LPP: variants seen among roughly 807,000 people sequenced by gnomAD.
LPP encodes the protein LIM domain containing preferred translocation partner in lipoma.
In LPP, 38 loss-of-function variants were observed where a neutral mutation model predicts 60.4. The ratio of observed to expected loss-of-function variants is 0.63; its 90% CI spans 0.49 to 0.83. LPP has a LOEUF of 0.83. LPP is among the 40% of genes least tolerant of loss of function. The pLI is 0.00. For synonymous variants in LPP, 328 were observed against 290.8 expected (o/e 1.13, Z -1.30); for missense variants, 902 against 783.6 (o/e 1.15, Z -1.80).
chr3:188,668,268 A>G (rs545716978), intron 7 of LPP, among the ~76,000 whole-genome samples: 126 of 152,096 alleles, frequency 8.3e-4, no homozygotes, highest in African/African-American at 2.9e-3. Context: ...TTTTTTCTTG[A>G]CTCTGAAGAT....
chr3:188,160,671 G>GA (rs1404545902), intron 1 of LPP, among the ~76,000 whole-genome samples: 5 of 152,170 alleles, frequency 3.3e-5, no homozygotes, highest in African/African-American at 1.2e-4. Context: ...TCTGTGATCA[G>GA]ATACAACTCA....
intron 9 of LPP, among the ~76,000 whole-genome samples, chr3:188,789,037 A>C (rs1432072926): frequency 2.0e-5 from 3 of 150,914 alleles, no homozygotes; most frequent in African/African-American, 7.3e-5. Flanking sequence ...GTGGCCACTA[A>C]CCTCAGTTAT....
chr3:188,281,194 T>C (rs763114252), intron 2 of LPP, among the ~76,000 whole-genome samples: 6 of 152,110 alleles, frequency 3.9e-5, no homozygotes, highest in Non-Finnish European at 5.9e-5. Context: ...AGGAAGACAT[T>C]TGAATTTAGT....
intron 9 of LPP, among the ~76,000 whole-genome samples, chr3:188,822,195 A>G (rs1011270397): frequency 6.6e-6 from 1 of 152,140 alleles, no homozygotes; most frequent in African/African-American, 2.4e-5. Context: ...CAGGAAGAAC[A>G]GGGAGGTCAT....
At chr3:188,562,082 C>G (rs895249172) in intron 6 of LPP, among the ~76,000 whole-genome samples, 2 of 140,512 alleles carry the variant, frequency 1.4e-5, no homozygotes, top group African/African-American at 5.1e-5. Flanking sequence ...CAGACACACA[C>G]ACACATACAA....
chr3:188,484,642 C>T lies in LPP; in HGVS notation c.244C>T (p.Pro82Ser). The T allele has an allele frequency of 6.2e-7, 1 of 1,614,054 alleles. No individual in the cohort carries two copies. Among genetic ancestry groups the T allele is most frequent in the Non-Finnish European group, 8.5e-7 (1 of 1,179,980 alleles). The change falls in exon 5 of 12, where the codon CCA (proline) becomes TCA (serine). Residue 82 changes from proline (P) to serine (S), a missense_variant. Coordinates refer to ENST00000617246, the MANE Select transcript of LPP (RefSeq NM_001375462.1). ...ACCTCTAGATGATTCCAGTGCCCTTCCATCTATCTCTGGAAACTTTCCTCC... is the reference window on the plus strand; with the variant it reads ...ACCTCTAGATGATTCCAGTGCCCTTTCATCTATCTCTGGAAACTTTCCTCC... ...PPPLDDSSAL[P>S]SISGNFPPPP...
At chr3:188,871,583 T>C (rs1444817064) in intron 10 of LPP, among the ~76,000 whole-genome samples, 2 of 152,234 alleles carry the variant, frequency 1.3e-5, no homozygotes, top group Non-Finnish European at 2.9e-5. Flanking sequence ...ATTATTTCTT[T>C]TTAAGTCTCA....
At chr3:188,752,527 G>T (rs976685416) in intron 8 of LPP, among the ~76,000 whole-genome samples, 1 of 152,106 alleles carries the variant, frequency 6.6e-6, no homozygotes, top group Non-Finnish European at 1.5e-5. Flanking sequence ...TGTTTGTTGT[G>T]GTGGTGGTGA....
intron 3 of LPP, among the ~76,000 whole-genome samples, chr3:188,349,688 G>A (rs1255851967): frequency 2.6e-5 from 4 of 152,170 alleles, no homozygotes; most frequent in South Asian, 2.1e-4. Flanking sequence ...CAGTGGGCCT[G>A]CCCCATGGAT....
At chr3:188,460,859 A>G (rs1238607736) in intron 4 of LPP, among the ~76,000 whole-genome samples, 1 of 152,174 alleles carries the variant, frequency 6.6e-6, no homozygotes, top group Non-Finnish European at 1.5e-5. Context: ...TCCCCCAGCC[A>G]GACCTCAGCT....
chr3:188,866,221 G>C lies in LPP; in HGVS notation c.1432G>C (p.Val478Leu). 2.6e-6 allele frequency: 4 copies of C among 1,561,980 alleles called. No individual in the cohort carries two copies. Among genetic ancestry groups the C allele is most frequent in the Non-Finnish European group, 3.5e-6 (4 of 1,152,408 alleles). ...CCAGAATACTCTGGAGCAGTGCAAT[G>C]TGTGTTCCAAGCCCATCATGGAGCG... ...CYINTLEQCN[V>L]CSKPIMERIL... The change falls in exon 10 of 12, where the codon GTG becomes CTG. Residue 478 changes from valine (V) to leucine (L), a missense_variant. Transcript: ENST00000617246.
At chr3:188,395,683 T>G (rs1425551464) in intron 3 of LPP, among the ~76,000 whole-genome samples, 1 of 152,160 alleles carries the variant, frequency 6.6e-6, no homozygotes, top group Non-Finnish European at 1.5e-5. Flanking sequence ...CTCAGCAGTT[T>G]GGGAGGCCAG....
chr3:188,337,630 T>G (rs1762012919), intron 2 of LPP, among the ~76,000 whole-genome samples: 1 of 152,158 alleles, frequency 6.6e-6, no homozygotes, highest in African/African-American at 2.4e-5. Flanking sequence ...ACTGCCTTAG[T>G]TATTATTTTT....
At position 188,609,744 on chromosome 3, in the gene LPP, G is replaced by A. The variant is rs144680354; in HGVS notation, c.1013G>A (p.Gly338Glu). The change falls in exon 7 of 12, where the codon GGG (glycine) becomes GAG (glutamate). Residue 338 changes from glycine (G) to glutamate (E), a missense_variant. By Grantham distance (98) the Gly-to-Glu change is moderately conservative. Transcript: ENST00000617246. This position sits in a 1 kb window ranked among gnomAD's most constrained non-coding sequence, Gnocchi z 6.9. ...REPGYTPPGA[G>E]NQNPPGMYPV... is the part of the protein sequence containing the mutation. ...CCAGGGTACACTCCTCCTGGAGCAG[G>A]GAACCAGAACCCTCCTGGGATGTAT... 19 of 1,614,086 alleles carry A rather than the reference G, an allele frequency of 1.2e-5. No homozygotes were observed. The highest frequency in any genetic ancestry group is 2.7e-5 in the African/African-American group (2 of 75,016).
chr3:188,366,454 G>A (rs774068742), intron 3 of LPP, among the ~76,000 whole-genome samples: 9 of 152,086 alleles, frequency 5.9e-5, no homozygotes, highest in Non-Finnish European at 1.2e-4. Context: ...TTATGTCAGC[G>A]GTGTGCTGGG....
chr3:188,191,032 C>T (rs1728023917), intron 1 of LPP, among the ~76,000 whole-genome samples: 1 of 152,150 alleles, frequency 6.6e-6, no homozygotes, highest in South Asian at 2.1e-4. Context: ...AGATTCGAGA[C>T]CAGCCTGGCC....
intron 1 of LPP, chr3:188,179,148 T>C (rs996634553): frequency 1.2e-5 from 5 of 409,328 alleles, no homozygotes; most frequent in Middle Eastern, 4.5e-4. Context: ...GGTCTACATA[T>C]TCCCCCCGGC....
chr3:188,265,978 G>A (rs1260860090), intron 2 of LPP, among the ~76,000 whole-genome samples: 6 of 152,036 alleles, frequency 3.9e-5, no homozygotes, highest in Admixed American at 2.0e-4. Flanking sequence ...TCTGGGGAGT[G>A]TGCATTGCCT....
chr3:188,157,410 G>A (rs559281932), intron 1 of LPP, among the ~76,000 whole-genome samples: 133 of 152,188 alleles, frequency 8.7e-4, no homozygotes, highest in Non-Finnish European at 1.6e-3. Context: ...GAGTTAGATC[G>A]GATTTGATTT....
Sources: allele counts gnomAD v4.1 joint callset (sites outside exome capture counted in the v4.1 genomes callset), GRCh38; gene constraint gnomAD v4.1.1; non-coding constraint Gnocchi (gnomAD v3.1); transcripts MANE v1.5; gene names NCBI Gene and HGNC (gene_info 2026-07-23, HGNC 2026-07-21).